Variants in GOLGA8B observed in about 807,000 individuals in gnomAD.
GOLGA8B encodes the protein golgin A8 family member B.
A neutral mutation model predicts 15.6 loss-of-function variants in GOLGA8B; 1 was observed. That is an observed-to-expected ratio of 0.06 (90% CI 0.02 to 0.30). The LOEUF (loss-of-function observed/expected upper bound fraction) is 0.30, where lower values mean the gene tolerates loss of function less well. Ranked by LOEUF, GOLGA8B falls within the 10% of genes least tolerant of loss-of-function variation. The pLI, the probability that GOLGA8B is intolerant of heterozygous loss-of-function variation, is 1.00. For missense variants in GOLGA8B, 17 were observed against 201.3 expected, an observed-to-expected ratio of 0.08 and a Z score of 5.54; for synonymous variants, 9 against 80.3, an observed-to-expected ratio of 0.11 and a Z score of 4.75.
chr15:34,557,715 A>T (rs1888530604), intron 1 of GOLGA8B, among the ~76,000 whole-genome samples: 1 of 90,566 alleles, frequency 1.1e-5, no homozygotes, highest in African/African-American at 4.1e-5. Flanking sequence ...TTGGAATGGA[A>T]ATCATATTGA....
chr15:34,582,619 G>A (rs983774371), intron 1 of GOLGA8B: 2 of 152,234 alleles, frequency 1.3e-5, no homozygotes, highest in East Asian at 1.9e-4. Context: ...TAAATACTAA[G>A]ACTAGCAGGC....
chr15:34,527,456 G>A lies in GOLGA8B; in HGVS notation c.*176C>T, dbSNP rs190112464. ...AGAGTGAACATCAGTGAGAGGCACA[G>A]AGACCCACTCTCTTTTAACTTTTTA... On this transcript the variant is annotated 3_prime_UTR_variant, in exon 24 of 24. Coordinates refer to ENST00000683415, the MANE Select transcript of GOLGA8B (RefSeq NM_001023567.5). 5.8e-4 allele frequency: 421 copies of A among 722,882 alleles called. 70 individuals are homozygous for A. In the Middle Eastern group the frequency reaches 0.01, roughly 18 times the overall value. The allele number at this position is 722,882 out of a possible 1,614,324, so 44.8% of individuals were successfully genotyped here. A position where few individuals can be genotyped will look rare whatever the true frequency, so the allele number is the denominator to read the frequency against.
chr15:34,575,613 G>A (rs1889053442), intron 1 of GOLGA8B, among the ~76,000 whole-genome samples: 1 of 151,900 alleles, frequency 6.6e-6, no homozygotes, highest in East Asian at 1.9e-4. Flanking sequence ...CCCTCCCTAT[G>A]CCCAGGGTGC....
intron 1 of GOLGA8B, among the ~76,000 whole-genome samples, chr15:34,576,480 C>A (rs1286893121): frequency 6.6e-6 from 1 of 152,224 alleles, no homozygotes; most frequent in East Asian, 1.9e-4. Flanking sequence ...AAGACGTCTT[C>A]CCCAACAACC....
intron 1 of GOLGA8B, among the ~76,000 whole-genome samples, chr15:34,579,095 A>G (rs2879515): frequency 0.56 from 85,236 of 151,682 alleles, 24,568 homozygotes; most frequent in African/African-American, 0.68. Flanking sequence ...CCTCATGCGC[A>G]CATTGCAGAT....
chr15:34,581,608 A>C (rs534196178), intron 1 of GOLGA8B: 27 of 152,260 alleles, frequency 1.8e-4, no homozygotes, highest in African/African-American at 5.3e-4. Flanking sequence ...GCTACTTAAG[A>C]AGGTTATGTA....
At chr15:34,560,138 G>C (rs1310745175) in intron 1 of GOLGA8B, among the ~76,000 whole-genome samples, 6 of 150,466 alleles carry the variant, frequency 4.0e-5, no homozygotes, top group Middle Eastern at 6.8e-3. Flanking sequence ...TACAGGCTGT[G>C]GCTTATAGTA....
chr15:34,559,585 G>GGAGAGAGA (rs201691541), intron 1 of GOLGA8B, among the ~76,000 whole-genome samples: 14 of 68,744 alleles, frequency 2.0e-4, no homozygotes, highest in East Asian at 7.5e-4. Flanking sequence ...TGAGAATGGG[G>GGAGAGAGA]GAGAGAGAGA....
At chr15:34,531,911 TC>T in intron 12 of GOLGA8B, 49 bp downstream of exon 12, 1 of 450,442 alleles carries the variant, frequency 2.2e-6, no homozygotes. Context: ...CATCTGAGTG[TC>T]CCCCAAACCC....
intron 1 of GOLGA8B, chr15:34,566,166 G>C (rs1888753085): frequency 7.1e-6 from 1 of 140,396 alleles, no homozygotes; most frequent in African/African-American, 2.5e-5. Context: ...AAGTAGAATG[G>C]TGGCTGCCAG....
chr15:34,564,691 G>C (rs1888712671), intron 1 of GOLGA8B, among the ~76,000 whole-genome samples: 1 of 144,670 alleles, frequency 6.9e-6, no homozygotes, highest in African/African-American at 2.5e-5. Context: ...TTTTTCTGCA[G>C]GTACTTTTGC....
Position 34,527,300 on chromosome 15 carries a change from C to T in GOLGA8B, c.*332G>A, listed in dbSNP as rs1471098515. 7.0e-5 allele frequency: 26 copies of T among 371,574 alleles called. 1 individual carries two copies. The highest frequency in any genetic ancestry group is 5.3e-4 in the South Asian group (21 of 39,660). 23.0% of individuals were successfully genotyped at this position (371,574 alleles called of 1,614,324 possible). A position where few individuals can be genotyped will look rare whatever the true frequency, so the allele number is the denominator to read the frequency against. Reference sequence around the variant, plus strand: ...AAAAAGCACGGGAGCCTATTCCAAACCAGCGAGAACAGTTTTGTGCAAAGA... The same window carrying T: ...AAAAAGCACGGGAGCCTATTCCAAATCAGCGAGAACAGTTTTGTGCAAAGA... On this transcript the variant is annotated 3_prime_UTR_variant, in exon 24 of 24. Transcript: ENST00000683415.
intron 1 of GOLGA8B, among the ~76,000 whole-genome samples, chr15:34,576,550 C>G (rs919413209): frequency 2.6e-5 from 4 of 152,148 alleles, no homozygotes; most frequent in Admixed American, 1.3e-4. Context: ...CCTTAGGACT[C>G]AAAGGGTAGA....
chr15:34,525,658 G>A lies in GOLGA8B; in HGVS notation c.*1974C>T, dbSNP rs1253977988. 1 of 149,634 alleles carries A rather than the reference G, an allele frequency of 6.7e-6. No individual in the cohort carries two copies. The highest frequency in any genetic ancestry group is 1.5e-5 in the Non-Finnish European group (1 of 67,198). The allele number at this position is 149,634 out of a possible 1,614,324, so 9.3% of individuals were successfully genotyped here. A position where few individuals can be genotyped will look rare whatever the true frequency, so the allele number is the denominator to read the frequency against. On this transcript the variant is annotated 3_prime_UTR_variant, in exon 24 of 24. Coordinates refer to ENST00000683415, the MANE Select transcript of GOLGA8B (RefSeq NM_001023567.5). ...ATACCACTATTAGCCACATTATTTG[G>A]TCTAATATTTTTTCTTTATTATTCT...
At chr15:34,576,475 G>A (rs532200976) in intron 1 of GOLGA8B, among the ~76,000 whole-genome samples, 9 of 152,302 alleles carry the variant, frequency 5.9e-5, no homozygotes, top group African/African-American at 1.9e-4. Context: ...GCACAAAGAC[G>A]TCTTCCCCAA....
At chr15:34,578,079 C>T (rs1889131517) in intron 1 of GOLGA8B, among the ~76,000 whole-genome samples, 1 of 152,136 alleles carries the variant, frequency 6.6e-6, no homozygotes, top group African/African-American at 2.4e-5. Flanking sequence ...AACTGAAAAT[C>T]CTAAATGTCA....
chr15:34,572,518 G>C (rs114435303), intron 1 of GOLGA8B, among the ~76,000 whole-genome samples: 8,132 of 150,572 alleles, frequency 0.054, 621 homozygotes, highest in African/African-American at 0.17. Context: ...GCGGATCGAA[G>C]TGCAAATCTT....
chr15:34,580,582 G>C (rs1889201163), intron 1 of GOLGA8B, among the ~76,000 whole-genome samples: 1 of 152,134 alleles, frequency 6.6e-6, no homozygotes, highest in Admixed American at 6.5e-5. Flanking sequence ...ATTGGCTTCA[G>C]GAGAGGCGAG....
At chr15:34,582,989 C>T (rs1222478754) in intron 1 of GOLGA8B, 3 of 152,148 alleles carry the variant, frequency 2.0e-5, no homozygotes, top group African/African-American at 7.2e-5. Flanking sequence ...AGAAGTTTTT[C>T]TCTCTGGGCC....
Sources: allele counts gnomAD v4.1 joint callset (sites outside exome capture counted in the v4.1 genomes callset), GRCh38; gene constraint gnomAD v4.1.1; transcripts MANE v1.5; gene names NCBI Gene and HGNC (gene_info 2026-07-23, HGNC 2026-07-21).